The following RABGAP1L variants were observed in gnomAD, a reference collection of about 807,000 sequenced individuals.
RABGAP1L encodes RAB GTPase activating protein 1 like, also known as rab GTPase-activating protein 1-like.
RABGAP1L carries 63 observed loss-of-function variants against 137.7 expected under a neutral mutation model. The observed-to-expected ratio is 0.46, with a 90% CI of 0.37 to 0.56. The LOEUF (loss-of-function observed/expected upper bound fraction) is 0.56, where lower values mean the gene tolerates loss of function less well. Among genes scored for constraint, RABGAP1L ranks in the 20% least tolerant of loss-of-function variants. The pLI is 0.00. For synonymous variants in RABGAP1L, 431 were observed against 433.7 expected, an observed-to-expected ratio of 0.99 and a Z score of 0.08; for missense variants, 1,095 against 1,244.0, an observed-to-expected ratio of 0.88 and a Z score of 1.80.
At chr1:174,349,580 G>A (rs1319474884) in intron 11 of RABGAP1L, among the ~76,000 whole-genome samples, 1 of 141,354 alleles carries the variant, frequency 7.1e-6, no homozygotes, top group African/African-American at 2.6e-5. Context: ...GGCCGGGCAG[G>A]GGGGCTGACC....
chr1:174,663,186 T>TC (rs1676516304), intron 14 of RABGAP1L, among the ~76,000 whole-genome samples: 1 of 152,178 alleles, frequency 6.6e-6, no homozygotes, highest in South Asian at 2.1e-4. Flanking sequence ...CAGAGCAACT[T>TC]CCAGTCCTGC....
At chr1:174,573,405 A>G (rs1400341538) in intron 13 of RABGAP1L, among the ~76,000 whole-genome samples, 2 of 152,096 alleles carry the variant, frequency 1.3e-5, no homozygotes, top group South Asian at 2.1e-4. Context: ...AAATGTTACC[A>G]TCAAAAGTCA....
intron 13 of RABGAP1L, among the ~76,000 whole-genome samples, chr1:174,457,645 G>A (rs1454826178): frequency 6.6e-6 from 1 of 151,968 alleles, no homozygotes; most frequent in Non-Finnish European, 1.5e-5. Context: ...TGGGACTACA[G>A]GTGTGTGCCA....
At chr1:174,359,554 C>T (rs776205505) in intron 11 of RABGAP1L, among the ~76,000 whole-genome samples, 9 of 152,174 alleles carry the variant, frequency 5.9e-5, no homozygotes, top group East Asian at 1.9e-4. Flanking sequence ...TCCTTTAATG[C>T]GCCTAGCTTT....
intron 1 of RABGAP1L, among the ~76,000 whole-genome samples, chr1:174,186,319 G>T (rs189423980): frequency 6.6e-6 from 1 of 152,184 alleles, no homozygotes; most frequent in Non-Finnish European, 1.5e-5. Context: ...CTACGTAGCT[G>T]AATTTCAGGC....
chr1:174,958,996 T>C (rs1007165225), intron 20 of RABGAP1L, among the ~76,000 whole-genome samples: 2 of 152,232 alleles, frequency 1.3e-5, no homozygotes, highest in African/African-American at 2.4e-5. Context: ...ATTATGCAAT[T>C]ATTACTAGAA....
intron 11 of RABGAP1L, among the ~76,000 whole-genome samples, chr1:174,336,369 C>T (rs1364355422): frequency 6.6e-6 from 1 of 152,200 alleles, no homozygotes; most frequent in Non-Finnish European, 1.5e-5. Context: ...AAGTGGTCCT[C>T]CTGCCTTGGC....
At chr1:174,811,112 T>A (rs1194368805) in intron 18 of RABGAP1L, among the ~76,000 whole-genome samples, 2 of 151,986 alleles carry the variant, frequency 1.3e-5, no homozygotes, top group African/African-American at 4.8e-5. Context: ...AAAGTAAAAA[T>A]AAGTGGTATA....
chr1:174,578,551 C>A (rs928084401), intron 13 of RABGAP1L, among the ~76,000 whole-genome samples: 4 of 151,886 alleles, frequency 2.6e-5, no homozygotes, highest in Non-Finnish European at 5.9e-5. Context: ...CCATTACTTA[C>A]AATATGACTT....
intron 13 of RABGAP1L, among the ~76,000 whole-genome samples, chr1:174,547,023 C>G (rs1267533009): frequency 3.9e-4 from 32 of 81,786 alleles, no homozygotes; most frequent in Admixed American, 8.0e-4. Flanking sequence ...GAGCGAGACT[C>G]TGTCTCAAAA....
chr1:174,627,846 G>A (rs1330594625), intron 13 of RABGAP1L, among the ~76,000 whole-genome samples: 6 of 152,052 alleles, frequency 3.9e-5, no homozygotes, highest in Non-Finnish European at 8.8e-5. Flanking sequence ...ACCTGACAGA[G>A]GCAGGAGAAA....
intron 13 of RABGAP1L, among the ~76,000 whole-genome samples, chr1:174,595,962 C>A (rs539984982): frequency 2.0e-5 from 2 of 102,396 alleles, no homozygotes; most frequent in Admixed American, 9.4e-5. Context: ...GCCTCGTTGC[C>A]GCCTTGCAGT....
chr1:174,444,244 T>C (rs1283517024), intron 13 of RABGAP1L, among the ~76,000 whole-genome samples: 1 of 152,004 alleles, frequency 6.6e-6, no homozygotes, highest in Non-Finnish European at 1.5e-5. Context: ...TTACATTAAA[T>C]CTGTATGTTG....
At chr1:174,697,508 G>A (rs946587693) in intron 15 of RABGAP1L, among the ~76,000 whole-genome samples, 11 of 152,204 alleles carry the variant, frequency 7.2e-5, no homozygotes, top group Middle Eastern at 3.4e-3. Context: ...TAGTAGAGAC[G>A]GGGTTTCGTC....
chr1:174,722,469 G>A (rs1448220781), intron 17 of RABGAP1L, among the ~76,000 whole-genome samples: 1 of 150,096 alleles, frequency 6.7e-6, no homozygotes, highest in African/African-American at 2.5e-5. Context: ...TTTTTTTTGA[G>A]ACGGAGTTTC....
chr1:174,916,860 A>G (rs1384393974), intron 19 of RABGAP1L, among the ~76,000 whole-genome samples: 1 of 152,248 alleles, frequency 6.6e-6, no homozygotes, highest in Non-Finnish European at 1.5e-5. Flanking sequence ...ACATTACTAA[A>G]TAACAAGCAG....
chr1:174,258,549 G>A (rs1216484654), intron 7 of RABGAP1L, among the ~76,000 whole-genome samples: 1 of 152,102 alleles, frequency 6.6e-6, no homozygotes, highest in Non-Finnish European at 1.5e-5. Context: ...GCTTCCTAAA[G>A]TGCTTGGCTT....
At chr1:174,376,297 T>C (rs565002888) in intron 12 of RABGAP1L, among the ~76,000 whole-genome samples, 3 of 152,020 alleles carry the variant, frequency 2.0e-5, no homozygotes, top group African/African-American at 7.2e-5. Context: ...ACATAAACTT[T>C]CCAGAATATA....
At chr1:174,656,077 T>C (rs1675946340) in intron 14 of RABGAP1L, among the ~76,000 whole-genome samples, 1 of 152,228 alleles carries the variant, frequency 6.6e-6, no homozygotes, top group Non-Finnish European at 1.5e-5. Context: ...TATATACATA[T>C]ATGCATGTGT....
Sources: allele counts gnomAD v4.1 joint callset (sites outside exome capture counted in the v4.1 genomes callset), GRCh38; gene constraint gnomAD v4.1.1; transcripts MANE v1.5; gene names NCBI Gene and HGNC (gene_info 2026-07-23, HGNC 2026-07-21).